GALNT18: variants seen among roughly 807,000 people sequenced by gnomAD.
GALNT18 encodes polypeptide N-acetylgalactosaminyltransferase 18.
Under a neutral mutation model 69.5 loss-of-function variants are expected in GALNT18, and 44 were observed. That is an observed-to-expected ratio of 0.63 (90% CI 0.50 to 0.81). The LOEUF is 0.81. GALNT18 is among the 40% of genes least tolerant of loss of function. GALNT18 has a pLI of 0.00. For missense variants in GALNT18, 715 were observed against 810.0 expected (o/e 0.88, Z 1.42); for synonymous variants, 364 against 318.2 (o/e 1.14, Z -1.53).
In GALNT18 at chr11:11,341,836, A is replaced by G. The variant is rs77566944; in HGVS notation, c.1093-832T>C. ...AAAAAATTCACCTCTCAAGACCTTG[A>G]TCAGGCTGGGCACAGTGGCTCACAC... On this transcript the variant is annotated intron_variant, in intron 6 of 10. Coordinates refer to ENST00000227756, the MANE Select transcript of GALNT18 (RefSeq NM_198516.3). This position sits in a 1 kb window ranked among gnomAD's most constrained non-coding sequence, Gnocchi z 6.3. 0.024 allele frequency among the ~76,000 whole-genome samples: 3,598 copies of G among 152,184 alleles called. 138 individuals carry two copies. The highest frequency in any genetic ancestry group is 0.08 in the African/African-American group (3,317 of 41,494).
chr11:11,473,156 C>A (rs1204078306), intron 1 of GALNT18, among the ~76,000 whole-genome samples: 1 of 152,120 alleles, frequency 6.6e-6, no homozygotes, highest in African/African-American at 2.4e-5. Flanking sequence ...TACATACAGG[C>A]CCAGAAATAC....
intron 1 of GALNT18, among the ~76,000 whole-genome samples, chr11:11,530,700 G>T (rs1160317348): frequency 6.6e-6 from 1 of 152,162 alleles, no homozygotes; most frequent in African/African-American, 2.4e-5. Flanking sequence ...GTCACCTGTG[G>T]AGCCCTTCAG....
chr11:11,350,645 G>C (rs1345723694), intron 6 of GALNT18, among the ~76,000 whole-genome samples: 1 of 152,190 alleles, frequency 6.6e-6, no homozygotes, highest in Admixed American at 6.5e-5. Flanking sequence ...GCAGTCAGGA[G>C]GGTGCAAATC....
chr11:11,336,668 G>C (rs1850119587), intron 7 of GALNT18, among the ~76,000 whole-genome samples: 1 of 152,178 alleles, frequency 6.6e-6, no homozygotes, highest in Non-Finnish European at 1.5e-5. Context: ...CTCAGAGGCA[G>C]GGGGTAAACC....
At position 11,621,993 on chromosome 11, in the gene GALNT18, C is replaced by A. The variant is rs1005005205; in HGVS notation, c.-400G>T. 9.1e-5 allele frequency: 15 copies of A among 165,734 alleles called. No homozygotes were observed. Among genetic ancestry groups the A allele is most frequent in the African/African-American group, 3.6e-4 (15 of 41,798 alleles). The allele number at this position is 165,734 out of a possible 1,614,324, so 10.3% of individuals were successfully genotyped here. On this transcript the variant is annotated 5_prime_UTR_variant, in exon 1 of 11. Coordinates refer to ENST00000227756, the MANE Select transcript of GALNT18 (RefSeq NM_198516.3). This position sits in a 1 kb window ranked among gnomAD's most constrained non-coding sequence, Gnocchi z 9.3. ...TTGGCGGTCCGACCGGCCCGCGCTG[C>A]TAGGAGAACAGCGGCAGCGGCAGCG...
At chr11:11,324,893 T>A (rs1333115790) in intron 9 of GALNT18, among the ~76,000 whole-genome samples, 2 of 152,238 alleles carry the variant, frequency 1.3e-5, no homozygotes, top group Non-Finnish European at 2.9e-5. Flanking sequence ...TGGAACACTT[T>A]TACACTGCTG....
In GALNT18 at chr11:11,465,375, G is replaced by C. The variant is rs763362003; in HGVS notation, c.236-16439C>G. Among the ~76,000 whole-genome samples, 33 of 152,256 alleles carry C rather than the reference G, an allele frequency of 2.2e-4. 1 individual carries two copies. The highest frequency in any genetic ancestry group is 1.2e-4 in the Non-Finnish European group (8 of 68,016). On this transcript the variant is annotated intron_variant, in intron 1 of 10. Transcript: ENST00000227756. The surrounding 1 kb of genome is among the most constrained non-coding windows in gnomAD (Gnocchi z 5.7). ...AGGAAGCAGAGATTCCCACCTTATG[G>C]AGCTGTCACTGTGCAGGAAAACACC... is the stretch of plus-strand genomic sequence containing the variant.
At position 11,415,810 on chromosome 11, in the gene GALNT18, A is replaced by G. The variant is rs778312937; in HGVS notation, c.595+16811T>C. On this transcript the variant is annotated intron_variant, in intron 3 of 10. Transcript: ENST00000227756. This position sits in a 1 kb window ranked among gnomAD's most constrained non-coding sequence, Gnocchi z 4.1. ...GTGGGATTTGTTTTTCCTGCCACGTAGAATTCAGGAATTCAGCAAGCAGCA... is the reference window on the plus strand; with the variant it reads ...GTGGGATTTGTTTTTCCTGCCACGTGGAATTCAGGAATTCAGCAAGCAGCA... Among the ~76,000 whole-genome samples, 2 of 152,190 alleles carry G rather than the reference A, an allele frequency of 1.3e-5. No individual in the cohort carries two copies. The highest frequency in any genetic ancestry group is 2.9e-5 in the Non-Finnish European group (2 of 68,034).
intron 1 of GALNT18, among the ~76,000 whole-genome samples, chr11:11,539,240 C>T (rs1399770190): frequency 6.6e-6 from 1 of 152,194 alleles, no homozygotes; most frequent in Non-Finnish European, 1.5e-5. Flanking sequence ...GCACCCACAC[C>T]TCTGCTGCCC....
intron 9 of GALNT18, among the ~76,000 whole-genome samples, chr11:11,326,742 G>A (rs1166917899): frequency 2.6e-4 from 39 of 152,168 alleles, no homozygotes; most frequent in Non-Finnish European, 1.5e-5. Context: ...ACTCTTGCTA[G>A]GGAGCAGCTT....
At chr11:11,512,103 G>C (rs775720876) in intron 1 of GALNT18, among the ~76,000 whole-genome samples, 5 of 152,148 alleles carry the variant, frequency 3.3e-5, no homozygotes, top group Non-Finnish European at 5.9e-5. Flanking sequence ...AGCCCATCCA[G>C]AAGTCTAAGT....
rs1855375774 is a variant in GALNT18 at position 11,435,391 on chromosome 11, A to G, written c.429-2604T>C. 6.6e-6 allele frequency among the ~76,000 whole-genome samples: 1 copy of G among 152,194 alleles called. No individual in the cohort carries two copies. The highest frequency in any genetic ancestry group is 6.5e-5 in the Admixed American group (1 of 15,278). On this transcript the variant is annotated intron_variant, in intron 2 of 10. Coordinates refer to ENST00000227756, the MANE Select transcript of GALNT18 (RefSeq NM_198516.3). The surrounding 1 kb of genome is among the most constrained non-coding windows in gnomAD (Gnocchi z 4.4). ...GCTGGTCTCCGGATGGTCTTTCTCC[A>G]CGCAGAATGAAATGCTGTATTTGTA... is the stretch of plus-strand genomic sequence containing the variant.
Position 11,573,909 on chromosome 11 carries a change from T to C in GALNT18, c.235+47450A>G, listed in dbSNP as rs573796398. 6.6e-6 allele frequency: 1 copy of C among 152,298 alleles called. No individual in the cohort carries two copies. The highest frequency in any genetic ancestry group is 6.5e-5 in the Admixed American group (1 of 15,302). The allele number at this position is 152,298 out of a possible 1,614,324, so 9.4% of individuals were successfully genotyped here. A position where few individuals can be genotyped will look rare whatever the true frequency, so the allele number is the denominator to read the frequency against. On this transcript the variant is annotated intron_variant, in intron 1 of 10. Transcript: ENST00000227756. The surrounding 1 kb of genome is among the most constrained non-coding windows in gnomAD (Gnocchi z 4.6). ...TCATTTGGTGCATTTTGAGGGGTCA[T>C]TCATTCTATCAACATCTCATTATAG...
chr11:11,609,982 C>T (rs1045022189), intron 1 of GALNT18, among the ~76,000 whole-genome samples: 1 of 152,110 alleles, frequency 6.6e-6, no homozygotes, highest in Non-Finnish European at 1.5e-5. Flanking sequence ...CTTGTTGATG[C>T]TAAGCCTGCT....
intron 3 of GALNT18, among the ~76,000 whole-genome samples, chr11:11,419,596 CAAAAAA>C (rs58012512): frequency 0.024 from 627 of 26,628 alleles, 4 homozygotes; most frequent in African/African-American, 0.057. Flanking sequence ...GATCCTGTCT[CAAAAAA>C]AAAAAAAAAA....
rs1297256303 is a variant in GALNT18 at position 11,379,176 on chromosome 11, C to T, written c.684G>A (p.Gln228=). 18 of 1,612,618 alleles carry T rather than the reference C, an allele frequency of 1.1e-5. No individual in the cohort carries two copies. The highest frequency in any genetic ancestry group is 1.3e-5 in the African/African-American group (1 of 75,022). The change falls in exon 4 of 11, where the codon CAG becomes CAA. Residue 228 remains glutamine (Q), a synonymous_variant. Coordinates refer to ENST00000227756, the MANE Select transcript of GALNT18 (RefSeq NM_198516.3). ...GFIKVVRHSK[Q]EGLIRSRVSG... ...TGACCCTGGAGCGGATGAGGCCTTCCTGCTTGCTGTGACGCACGACTTTGA... is the reference window on the plus strand; with the variant it reads ...TGACCCTGGAGCGGATGAGGCCTTCTTGCTTGCTGTGACGCACGACTTTGA...
chr11:11,564,933 A>G lies in GALNT18; in HGVS notation c.235+56426T>C, dbSNP rs1290576947. On this transcript the variant is annotated intron_variant, in intron 1 of 10. Coordinates refer to ENST00000227756, the MANE Select transcript of GALNT18 (RefSeq NM_198516.3). This position sits in a 1 kb window ranked among gnomAD's most constrained non-coding sequence, Gnocchi z 4.3. ...TCCCTCCCCACAGAATGCTTGCTCT[A>G]TTGGACAGCCCTGATCTAGACCCTA... is the stretch of plus-strand genomic sequence containing the variant. Among the ~76,000 whole-genome samples the G allele has an allele frequency of 3.3e-5, 5 of 152,200 alleles. No homozygotes were observed. Among genetic ancestry groups the G allele is most frequent in the African/African-American group, 4.8e-5 (2 of 41,452 alleles).
intron 1 of GALNT18, among the ~76,000 whole-genome samples, chr11:11,525,665 G>A (rs910169313): frequency 1.7e-5 from 2 of 119,934 alleles, no homozygotes; most frequent in Admixed American, 1.0e-4. Context: ...ATGGAGTTTC[G>A]CTTTTGTTGC....
Position 11,583,388 on chromosome 11 carries a change from A to G in GALNT18, c.235+37971T>C, listed in dbSNP as rs997577078. On this transcript the variant is annotated intron_variant, in intron 1 of 10. Coordinates refer to ENST00000227756, the MANE Select transcript of GALNT18 (RefSeq NM_198516.3). The surrounding 1 kb of genome is among the most constrained non-coding windows in gnomAD (Gnocchi z 4.7). ...AGCAGCTGACCAGTGCCAAGTACAT[A>G]GGAGGAGCTCAATTCATACATTCTG... Among the ~76,000 whole-genome samples the G allele has an allele frequency of 6.6e-6, 1 of 152,352 alleles. No individual in the cohort carries two copies. Among genetic ancestry groups the G allele is most frequent in the South Asian group, 2.1e-4 (1 of 4,828 alleles).
Sources: allele counts gnomAD v4.1 joint callset (sites outside exome capture counted in the v4.1 genomes callset), GRCh38; gene constraint gnomAD v4.1.1; non-coding constraint Gnocchi (gnomAD v3.1); transcripts MANE v1.5; gene names NCBI Gene and HGNC (gene_info 2026-07-23, HGNC 2026-07-21).